The following GSG1L variants were observed in gnomAD, a reference collection of about 807,000 sequenced individuals.
The protein encoded by GSG1L is GSG1 like.
A neutral mutation model predicts 42.1 loss-of-function variants in GSG1L; 24 were observed. That is an observed-to-expected ratio of 0.57 (90% confidence interval 0.41 to 0.80). The LOEUF (loss-of-function observed/expected upper bound fraction) is 0.80, where lower values mean the gene tolerates loss of function less well. Among genes scored for constraint, GSG1L ranks in the 30% least tolerant of loss-of-function variants. GSG1L has a pLI of 0.00. For synonymous variants in GSG1L, 215 were observed against 203.5 expected (o/e 1.06, Z -0.48); for missense variants, 445 against 472.2 (o/e 0.94, Z 0.53).
chr16:27,787,869 C>T lies in GSG1L; in HGVS notation c.*3501G>A, dbSNP rs1023638694. Reference sequence around the variant, plus strand: ...CCTGCCCAGGCCCATATATGGCAGCCGCCCTCTCTTGCATGAGGCCAAAGC... The same window carrying T: ...CCTGCCCAGGCCCATATATGGCAGCTGCCCTCTCTTGCATGAGGCCAAAGC... On this transcript the variant is annotated 3_prime_UTR_variant, in exon 7 of 7. Transcript: ENST00000447459. 2 of 152,186 alleles carry T rather than the reference C, an allele frequency of 1.3e-5. No homozygotes were observed. Among genetic ancestry groups the T allele is most frequent in the African/African-American group, 2.4e-5 (1 of 41,426 alleles). The allele number at this position is 152,186 out of a possible 1,614,324, so 9.4% of individuals were successfully genotyped here.
intron 1 of GSG1L, among the ~76,000 whole-genome samples, chr16:27,973,879 G>A (rs779134386): frequency 2.0e-5 from 3 of 152,180 alleles, no homozygotes; most frequent in Non-Finnish European, 4.4e-5. Flanking sequence ...GGCTGCTGCA[G>A]ACATGCTCTG....
At chr16:27,893,555 T>C (rs1400646677) in intron 2 of GSG1L, among the ~76,000 whole-genome samples, 1 of 152,194 alleles carries the variant, frequency 6.6e-6, no homozygotes, top group African/African-American at 2.4e-5. Context: ...ATAAGTGTCA[T>C]TATTCACAAC....
intron 4 of GSG1L, among the ~76,000 whole-genome samples, chr16:27,835,259 C>G (rs1180349114): frequency 6.6e-6 from 1 of 152,006 alleles, no homozygotes; most frequent in Non-Finnish European, 1.5e-5. Context: ...TATTTAATGT[C>G]TATTTCTGGT....
intron 1 of GSG1L, among the ~76,000 whole-genome samples, chr16:28,055,402 G>A (rs2086268430): frequency 6.6e-6 from 1 of 152,088 alleles, no homozygotes; most frequent in Non-Finnish European, 1.5e-5. Flanking sequence ...ATCCCAAAGT[G>A]CTGGGATTAC....
At chr16:27,979,566 C>CAA (rs554553352) in intron 1 of GSG1L, among the ~76,000 whole-genome samples, 5 of 96,552 alleles carry the variant, frequency 5.2e-5, no homozygotes, top group Admixed American at 1.2e-4. Context: ...GAGAATCCAT[C>CAA]AAAAAAAAAA....
rs1174832857 is a variant in GSG1L, at chr16:28,036,391, A to G, written c.349+26685T>C. Among the ~76,000 whole-genome samples the G allele has an allele frequency of 1.3e-5, 2 of 152,252 alleles. 1 individual carries two copies. The highest frequency in any genetic ancestry group is 4.2e-4 in the South Asian group (2 of 4,810). On this transcript the variant is annotated intron_variant, in intron 1 of 6. Coordinates refer to ENST00000447459, the MANE Select transcript of GSG1L (RefSeq NM_001109763.2). ...CCTGGTATGTGCCCACCCAGCACCA[A>G]GGGCCGACTGAAAGTTAATGATGCC...
intron 1 of GSG1L, among the ~76,000 whole-genome samples, chr16:28,014,939 G>A (rs1210282041): frequency 6.6e-6 from 1 of 152,154 alleles, no homozygotes; most frequent in African/African-American, 2.4e-5. Context: ...TACTAACCTG[G>A]CCCCTGCCCT....
chr16:27,796,471 C>A (rs1323625300), intron 6 of GSG1L, among the ~76,000 whole-genome samples: 2 of 152,204 alleles, frequency 1.3e-5, no homozygotes, highest in African/African-American at 4.8e-5. Context: ...CTCATCTTGC[C>A]TTTGAGGCAT....
At position 28,063,411 on chromosome 16, in the gene GSG1L, C is replaced by A. The variant is rs1353179151; in HGVS notation, c.14G>T (p.Arg5Leu). ...CACGGCCAGGAGCGCTCGGCCGCGG[C>A]GGCTAGTCTTCATGCCGCCCGCGCC... MKTS[R>L]RGRALLAVAL... Residue 5 changes from arginine (R) to leucine (L), a missense_variant, in exon 1 of 7, where the codon CGC (arginine) becomes CTC (leucine). Arg to Leu is a moderately radical substitution (Grantham distance 102, BLOSUM62 -2). Around this residue, in one of 3 missense-constraint regions of GSG1L, gnomAD observed 156 missense variants for 128.3 expected, o/e 1.22. Coordinates refer to ENST00000447459, the MANE Select transcript of GSG1L (RefSeq NM_001109763.2). This position sits in a 1 kb window ranked among gnomAD's most constrained non-coding sequence, Gnocchi z 5.8. The A allele has an allele frequency of 1.5e-6, 2 of 1,305,736 alleles. No individual in the cohort carries two copies. The highest frequency in any genetic ancestry group is 3.1e-5 in the African/African-American group (2 of 63,834). The allele number at this position is 1,305,736 out of a possible 1,614,324, so 80.9% of individuals were successfully genotyped here. A position where few individuals can be genotyped will look rare whatever the true frequency, so the allele number is the denominator to read the frequency against.
At chr16:27,965,146 G>C (rs2085116363) in intron 1 of GSG1L, among the ~76,000 whole-genome samples, 1 of 151,972 alleles carries the variant, frequency 6.6e-6, no homozygotes, top group African/African-American at 2.4e-5. Context: ...AGCCTCCCGA[G>C]TAGCTGGAAT....
At chr16:27,944,361 C>T (rs2084839076) in intron 2 of GSG1L, among the ~76,000 whole-genome samples, 1 of 152,092 alleles carries the variant, frequency 6.6e-6, no homozygotes, top group Admixed American at 6.5e-5. Flanking sequence ...GTGGCTTACT[C>T]CTGTAATCCC....
chr16:27,925,160 A>T (rs1196383787), intron 2 of GSG1L, among the ~76,000 whole-genome samples: 1 of 152,226 alleles, frequency 6.6e-6, no homozygotes, highest in Non-Finnish European at 1.5e-5. Context: ...CCCACTTCAC[A>T]CATTTCTCTT....
intron 1 of GSG1L, among the ~76,000 whole-genome samples, chr16:28,034,500 A>G (rs2086010545): frequency 1.3e-5 from 2 of 152,072 alleles, no homozygotes; most frequent in African/African-American, 4.8e-5. Context: ...TATAACATCA[A>G]CTGGTTTCAG....
chr16:27,947,850 C>T (rs186501963), intron 2 of GSG1L, among the ~76,000 whole-genome samples: 323 of 152,220 alleles, frequency 2.1e-3, no homozygotes, highest in African/African-American at 7.1e-3. Context: ...CAAGTGGGAC[C>T]GGCTCTCGGA....
intron 1 of GSG1L, among the ~76,000 whole-genome samples, chr16:28,027,859 A>G (rs1412656521): frequency 2.0e-5 from 3 of 152,088 alleles, no homozygotes; most frequent in Non-Finnish European, 4.4e-5. Context: ...TGTCTCTACA[A>G]AAATAACAAA....
At chr16:27,979,688 A>AAAGAAAGAGAGAG (rs2085297121) in intron 1 of GSG1L, among the ~76,000 whole-genome samples, 1 of 27,774 alleles carries the variant, frequency 3.6e-5, no homozygotes, top group Admixed American at 4.9e-4. Context: ...AGAAAGAAAG[A>AAAGAAAGAGAGAG]AGGAAGGAAG....
intron 3 of GSG1L, among the ~76,000 whole-genome samples, chr16:27,851,055 C>A (rs879841053): frequency 4.6e-5 from 7 of 151,896 alleles, no homozygotes; most frequent in Non-Finnish European, 8.8e-5. Context: ...AGCGAGAGGG[C>A]GATTGTGGAA....
At chr16:27,987,891 G>A (rs2085404662) in intron 1 of GSG1L, among the ~76,000 whole-genome samples, 1 of 143,402 alleles carries the variant, frequency 7.0e-6, no homozygotes, top group South Asian at 2.2e-4. Context: ...AGGTTGCAGT[G>A]AGCCGAAATC....
chr16:28,012,005 T>A (rs1340191580), intron 1 of GSG1L, among the ~76,000 whole-genome samples: 1 of 152,064 alleles, frequency 6.6e-6, no homozygotes, highest in East Asian at 1.9e-4. Context: ...CCAGATCATG[T>A]CACTCCCCTG....
Sources: gnomAD v4.1 joint callset for allele counts (sites outside exome capture counted in the v4.1 genomes callset) on GRCh38, gnomAD v4.1.1 for gene constraint, gnomAD v4.1.1 regional missense constraint, Gnocchi (gnomAD v3.1) non-coding constraint, MANE v1.5 for transcripts, NCBI Gene and HGNC (gene_info 2026-07-23, HGNC 2026-07-21) for gene names.